NKAIN3: variants seen among roughly 807,000 people sequenced by gnomAD.
The protein encoded by NKAIN3 is sodium/potassium-transporting ATPase subunit beta-1-interacting protein 3.
A neutral mutation model predicts 30.2 loss-of-function variants in NKAIN3; 25 were observed. That is an observed-to-expected ratio of 0.83 (90% CI 0.60 to 1.16). The LOEUF (loss-of-function observed/expected upper bound fraction) is 1.16. NKAIN3 is among the 50% of genes most tolerant of loss of function. The probability of loss-of-function intolerance (pLI) is 0.00; values close to 1 mark genes in which losing one functional copy is unlikely to be tolerated. For synonymous variants in NKAIN3, 91 were observed against 89.6 expected (o/e 1.02, Z -0.09); for missense variants, 225 against 254.1 (o/e 0.89, Z 0.78).
Position 62,589,792 on chromosome 8 carries a change from A to G in NKAIN3, c.271A>G (p.Lys91Glu). ...CFYLEVGGLS[K>E]DTDLMTFNIS... is the part of the protein sequence containing the mutation. ...TTATTTGGAAGTAGGTGGACTCTCA[A>G]AGGTGAGTTTATCATGCTTTTAAAG... The change falls in exon 3 of 7, where the codon AAG becomes GAG. Residue 91 changes from lysine to glutamate, a missense_variant and splice_region_variant. By Grantham distance (56) the Lys-to-Glu change is moderately conservative (BLOSUM62 1). Coordinates refer to ENST00000623646, the MANE Select transcript of NKAIN3 (RefSeq NM_001304533.3). 1 of 1,583,116 alleles carries G rather than the reference A, an allele frequency of 6.3e-7. No individual in the cohort carries two copies. The highest frequency in any genetic ancestry group is 8.7e-7 in the Non-Finnish European group (1 of 1,154,394).
At chr8:62,880,678 A>G (rs1820948491) in intron 4 of NKAIN3, among the ~76,000 whole-genome samples, 1 of 152,212 alleles carries the variant, frequency 6.6e-6, no homozygotes, top group South Asian at 2.1e-4. Context: ...CTGTTTTATG[A>G]CAAAGACAAC....
At chr8:62,512,604 C>A (rs1807847767) in intron 1 of NKAIN3, among the ~76,000 whole-genome samples, 2 of 152,096 alleles carry the variant, frequency 1.3e-5, no homozygotes, top group Non-Finnish European at 2.9e-5. Flanking sequence ...ATTCTACTTG[C>A]TAAGTCCTTT....
intron 4 of NKAIN3, among the ~76,000 whole-genome samples, chr8:62,813,800 T>C (rs976464315): frequency 6.6e-6 from 1 of 152,054 alleles, no homozygotes; most frequent in African/African-American, 2.4e-5. Context: ...TTTTGCTTCC[T>C]GATGTAGGAC....
chr8:62,927,871 G>A (rs1396638217), intron 5 of NKAIN3, among the ~76,000 whole-genome samples: 2 of 152,146 alleles, frequency 1.3e-5, no homozygotes, highest in African/African-American at 4.8e-5. Flanking sequence ...GACAATAAAA[G>A]AGATGTTTAT....
At chr8:62,372,499 T>C (rs1816942251) in intron 1 of NKAIN3, among the ~76,000 whole-genome samples, 1 of 151,992 alleles carries the variant, frequency 6.6e-6, no homozygotes, top group South Asian at 2.1e-4. Flanking sequence ...TGAATACCTT[T>C]AGACATTCAT....
chr8:62,767,013 A>G (rs1816859955), intron 4 of NKAIN3, among the ~76,000 whole-genome samples: 1 of 151,072 alleles, frequency 6.6e-6, no homozygotes, highest in African/African-American at 2.4e-5. Flanking sequence ...GGGAGCAGGG[A>G]ATCCAGCAAG....
intron 3 of NKAIN3, among the ~76,000 whole-genome samples, chr8:62,640,973 G>T (rs1812289035): frequency 1.3e-5 from 2 of 151,886 alleles, no homozygotes; most frequent in Non-Finnish European, 2.9e-5. Flanking sequence ...GTAAAAGTCA[G>T]ACACTGTGCC....
chr8:62,498,187 C>A (rs568768712), intron 1 of NKAIN3, among the ~76,000 whole-genome samples: 1 of 152,164 alleles, frequency 6.6e-6, no homozygotes, highest in South Asian at 2.1e-4. Flanking sequence ...GTTGTTTTGT[C>A]AAACAAAGTG....
At chr8:62,942,382 G>A (rs1822991980) in intron 5 of NKAIN3, among the ~76,000 whole-genome samples, 1 of 150,706 alleles carries the variant, frequency 6.6e-6, no homozygotes, top group Non-Finnish European at 1.5e-5. Context: ...AGAAATTATA[G>A]ATGGCACAGA....
At chr8:62,340,074 C>A (rs529939201) in intron 1 of NKAIN3, among the ~76,000 whole-genome samples, 3 of 151,948 alleles carry the variant, frequency 2.0e-5, no homozygotes, top group African/African-American at 2.4e-5. Flanking sequence ...AAGAGTATAA[C>A]AAATTTATTT....
chr8:62,471,360 G>T (rs927548563), intron 1 of NKAIN3, among the ~76,000 whole-genome samples: 14 of 151,920 alleles, frequency 9.2e-5, no homozygotes, highest in Admixed American at 2.6e-4. Flanking sequence ...GTTTGATCCT[G>T]GTGATGATAA....
At chr8:62,618,145 C>T (rs776761356) in intron 3 of NKAIN3, among the ~76,000 whole-genome samples, 5 of 152,266 alleles carry the variant, frequency 3.3e-5, no homozygotes, top group East Asian at 3.9e-4. Context: ...CCTTGCAGAT[C>T]GTCATAGCTC....
intron 5 of NKAIN3, among the ~76,000 whole-genome samples, chr8:62,939,455 C>T (rs966249061): frequency 6.6e-6 from 1 of 152,108 alleles, no homozygotes; most frequent in African/African-American, 2.4e-5. Context: ...ATAGTCATCA[C>T]GTTATCTAAA....
At chr8:62,503,806 G>A (rs866107412) in intron 1 of NKAIN3, among the ~76,000 whole-genome samples, 2 of 152,010 alleles carry the variant, frequency 1.3e-5, no homozygotes, top group Admixed American at 6.6e-5. Context: ...GTCTTCCCTT[G>A]CTCCCTAAAA....
At chr8:62,551,883 CA>C (rs1370963100) in intron 1 of NKAIN3, among the ~76,000 whole-genome samples, 1 of 152,182 alleles carries the variant, frequency 6.6e-6, no homozygotes, top group Non-Finnish European at 1.5e-5. Flanking sequence ...CTCTTGAAAA[CA>C]CTTGCTATAC....
chr8:62,738,779 C>G (rs1815763055), intron 3 of NKAIN3, among the ~76,000 whole-genome samples: 1 of 152,070 alleles, frequency 6.6e-6, no homozygotes, highest in African/African-American at 2.4e-5. Context: ...TGTAGGTTGC[C>G]TATTCACTCT....
intron 4 of NKAIN3, among the ~76,000 whole-genome samples, chr8:62,839,275 T>G (rs1819459498): frequency 6.6e-6 from 1 of 151,740 alleles, no homozygotes; most frequent in African/African-American, 2.4e-5. Flanking sequence ...ACTATTCTAT[T>G]TAAAGATTTT....
At chr8:62,350,409 A>G (rs1466617313) in intron 1 of NKAIN3, among the ~76,000 whole-genome samples, 3 of 152,210 alleles carry the variant, frequency 2.0e-5, no homozygotes, top group Admixed American at 2.0e-4. Context: ...TGAGGTACCT[A>G]GAGTAATCAA....
chr8:62,259,850 C>T (rs1469419929), intron 1 of NKAIN3, among the ~76,000 whole-genome samples: 1 of 152,112 alleles, frequency 6.6e-6, no homozygotes, highest in African/African-American at 2.4e-5. Context: ...GGAGGAGAAA[C>T]ATTTATCCAT....
Sources: allele counts gnomAD v4.1 joint callset (sites outside exome capture counted in the v4.1 genomes callset), GRCh38; gene constraint gnomAD v4.1.1; transcripts MANE v1.5; gene names NCBI Gene and HGNC (gene_info 2026-07-23, HGNC 2026-07-21).